The following FBL variants were observed in gnomAD, a reference collection of about 807,000 sequenced individuals.
The protein encoded by FBL is fibrillarin rRNA 2'-O-methyltransferase.
In FBL, 10 loss-of-function variants were observed where a neutral mutation model predicts 42.2. The observed-to-expected ratio is 0.24, with a 90% CI of 0.15 to 0.40. The LOEUF is 0.40. Among genes scored for constraint, FBL ranks in the 10% least tolerant of loss-of-function variants. FBL has a pLI of 1.00. For synonymous variants in FBL, 165 were observed against 165.4 expected, an observed-to-expected ratio of 1.00 and a Z score of 0.02; for missense variants, 351 against 439.2, an observed-to-expected ratio of 0.80 and a Z score of 1.79.
intron 6 of FBL, 102 bp from the exon 7 acceptor site, chr19:39,836,770 T>C (rs1599654752): frequency 1.3e-6 from 1 of 798,550 alleles, no homozygotes; most frequent in East Asian, 2.8e-5. Context: ...TGGGAGATTC[T>C]CCCTGCCTCC....
chr19:39,837,862 T>C lies in FBL; in HGVS notation c.550-19A>G. 1 of 1,610,554 alleles carries C rather than the reference T, an allele frequency of 6.2e-7. No homozygotes were observed. The highest frequency in any genetic ancestry group is 1.7e-4 in the Middle Eastern group (1 of 6,050). Reference sequence around the variant, plus strand: ...GACCATCCTAAAATAAATTAAAAATTAATGAACAGTGATGCTAGTTCTCAT... The same window carrying C: ...GACCATCCTAAAATAAATTAAAAATCAATGAACAGTGATGCTAGTTCTCAT... On this transcript the variant is annotated intron_variant, in intron 5 of 8. Transcript: ENST00000221801.
At chr19:39,843,810 G>A (rs991012099) in intron 1 of FBL, among the ~76,000 whole-genome samples, 2 of 152,236 alleles carry the variant, frequency 1.3e-5, no homozygotes, top group Middle Eastern at 3.4e-3. Context: ...ATCCTATAGG[G>A]TTGTAAAGAT....
chr19:39,842,827 T>G (rs555332004), intron 1 of FBL, among the ~76,000 whole-genome samples: 2 of 152,276 alleles, frequency 1.3e-5, no homozygotes, highest in African/African-American at 4.8e-5. Context: ...CAGCCCACAT[T>G]GAGTATCATC....
In FBL at chr19:39,846,307, C is replaced by G. The variant is rs1357639528; in HGVS notation, c.-7G>C. Reference sequence around the variant, plus strand: ...CAGCCTGACCTGGCTTCATGGCGAGCCCTGGTTTGTGCGGCTCCGGAGTCC... The same window carrying G: ...CAGCCTGACCTGGCTTCATGGCGAGGCCTGGTTTGTGCGGCTCCGGAGTCC... On this transcript the variant is annotated 5_prime_UTR_variant, in exon 1 of 9. Coordinates refer to ENST00000221801, the MANE Select transcript of FBL (RefSeq NM_001436.4). 1.2e-6 allele frequency: 2 copies of G among 1,613,656 alleles called. No homozygotes were observed. Among genetic ancestry groups the G allele is most frequent in the Admixed American group, 3.3e-5 (2 of 60,012 alleles).
At chr19:39,836,519 ACTGCCACCCCAT>A (rs1568539205) in intron 7 of FBL, 25 bp downstream of exon 7, 1 of 1,411,610 alleles carries the variant, frequency 7.1e-7, no homozygotes, top group East Asian at 2.3e-5. Context: ...TCCCTAGAAC[ACTGCCACCCCAT>A]CTTAGACTCT....
rs775934428 is a variant in FBL at position 39,840,197 on chromosome 19, C to T, written c.378+36G>A. ...AGACTACTGGCTACACCCTCAGCTG[C>T]GACCCTGGTGGCTTGGACAGGGGCC... On this transcript the variant is annotated intron_variant, in intron 4 of 8. Transcript: ENST00000221801. The surrounding 1 kb of genome is among the most constrained non-coding windows in gnomAD (Gnocchi z 4.5). The T allele has an allele frequency of 5.9e-5, 87 of 1,484,970 alleles. No individual in the cohort carries two copies. In the East Asian group the frequency reaches 9.3e-4, roughly 16 times the overall value. The allele number at this position is 1,484,970 out of a possible 1,614,324, so 92.0% of individuals were successfully genotyped here. A position where few individuals can be genotyped will look rare whatever the true frequency, so the allele number is the denominator to read the frequency against.
At chr19:39,837,310 T>A (rs1969068737) in intron 6 of FBL, among the ~76,000 whole-genome samples, 1 of 152,214 alleles carries the variant, frequency 6.6e-6, no homozygotes, top group South Asian at 2.1e-4. Flanking sequence ...AATGTTTTTT[T>A]AAACAAAGTA....
chr19:39,837,720 T>A lies in FBL; in HGVS notation c.673A>T (p.Met225Leu). Reference protein sequence around the residue: ...EDARHPHKYRMLIAMVDVIFA... With the variant: ...EDARHPHKYRLLIAMVDVIFA... ...CCCCCAGACCCCTCACCGATGAGCA[T>A]GCGGTATTTGTGTGGGTGTCGAGCA... Residue 225 changes from methionine (M) to leucine (L), a missense_variant, in exon 6 of 9, where the codon ATG (methionine) becomes TTG (leucine). Met to Leu is a conservative substitution (Grantham distance 15). Coordinates refer to ENST00000221801, the MANE Select transcript of FBL (RefSeq NM_001436.4). 6.3e-7 allele frequency: 1 copy of A among 1,577,648 alleles called. No homozygotes were observed.
chr19:39,841,121 G>C (rs368429088), intron 1 of FBL, among the ~76,000 whole-genome samples: 2 of 152,042 alleles, frequency 1.3e-5, no homozygotes, highest in Non-Finnish European at 1.5e-5. Flanking sequence ...GCCCAGGTTG[G>C]AGAGCAATGG....
At chr19:39,839,309 C>T in intron 4 of FBL, 104 bp from the exon 5 acceptor site, 1 of 864,602 alleles carries the variant, frequency 1.2e-6, no homozygotes, top group Non-Finnish European at 1.8e-6. Flanking sequence ...CCTATCACTG[C>T]ACAAGAACTC....
chr19:39,839,493 G>C, intron 4 of FBL, among the ~76,000 whole-genome samples: 1 of 152,176 alleles, frequency 6.6e-6, no homozygotes, highest in Non-Finnish European at 1.5e-5. Context: ...TGCTCTAGGC[G>C]CTGGGGATAC....
chr19:39,844,123 C>T (rs377743649), intron 1 of FBL, among the ~76,000 whole-genome samples: 2 of 152,182 alleles, frequency 1.3e-5, no homozygotes, highest in African/African-American at 4.8e-5. Flanking sequence ...TTCTACTCCC[C>T]CTACAGTCCA....
At chr19:39,836,779 C>T (rs1048442169) in intron 6 of FBL, 111 bp from the exon 7 acceptor site, 2 of 716,812 alleles carry the variant, frequency 2.8e-6, no homozygotes, top group Non-Finnish European at 4.6e-6. Context: ...CTCCCTGCCT[C>T]CAGTTTCACT....
intron 1 of FBL, among the ~76,000 whole-genome samples, chr19:39,841,817 G>A (rs1485816397): frequency 6.6e-6 from 1 of 152,202 alleles, no homozygotes; most frequent in Non-Finnish European, 1.5e-5. Flanking sequence ...CACTTTACAA[G>A]TAGTTTGCGA....
chr19:39,836,481 T>C, intron 7 of FBL, 75 bp downstream of exon 7: 1 of 954,696 alleles, frequency 1.0e-6, no homozygotes, highest in African/African-American at 1.6e-5. Context: ...TGGGTGGCTA[T>C]TTGACAGATA....
In FBL at chr19:39,846,323, T is replaced by C. The variant is rs780152843; in HGVS notation, c.-23A>G. The C allele has an allele frequency of 3.1e-6, 5 of 1,612,910 alleles. No individual in the cohort carries two copies. The East Asian group carries it at 1.1e-4, about 36-fold the overall frequency. ...CATGGCGAGCCCTGGTTTGTGCGGCTCCGGAGTCCGCGGCGTTCACAACTC... is the reference window on the plus strand; with the variant it reads ...CATGGCGAGCCCTGGTTTGTGCGGCCCCGGAGTCCGCGGCGTTCACAACTC... On this transcript the variant is annotated 5_prime_UTR_variant, in exon 1 of 9. Coordinates refer to ENST00000221801, the MANE Select transcript of FBL (RefSeq NM_001436.4).
intron 1 of FBL, among the ~76,000 whole-genome samples, chr19:39,841,280 C>T (rs1969160371): frequency 6.6e-6 from 1 of 152,112 alleles, no homozygotes; most frequent in Admixed American, 6.6e-5. Context: ...TAGTCTCCAG[C>T]TCCTGGCTCA....
intron 4 of FBL, among the ~76,000 whole-genome samples, chr19:39,839,848 A>T (rs1270141253): frequency 6.6e-6 from 1 of 152,194 alleles, no homozygotes; most frequent in African/African-American, 2.4e-5. Flanking sequence ...GCGGTGAGGG[A>T]TGCCTTGACC....
intron 1 of FBL, among the ~76,000 whole-genome samples, chr19:39,842,209 C>T (rs1194898414): frequency 6.6e-6 from 1 of 152,068 alleles, no homozygotes. Flanking sequence ...CCTCAGCCTC[C>T]CCAGTAGCTG....
Sources: gnomAD v4.1 joint callset for allele counts (sites outside exome capture counted in the v4.1 genomes callset) on GRCh38, gnomAD v4.1.1 for gene constraint, Gnocchi (gnomAD v3.1) non-coding constraint, MANE v1.5 for transcripts, NCBI Gene and HGNC (gene_info 2026-07-23, HGNC 2026-07-21) for gene names.